Variants in MNX1 observed in about 807,000 individuals in gnomAD.
MNX1 encodes the protein motor neuron and pancreas homeobox 1.
Under a neutral mutation model 17.3 loss-of-function variants are expected in MNX1, and 2 were observed. The ratio of observed to expected loss-of-function variants is 0.12; its 90% CI spans 0.05 to 0.36. MNX1 has a LOEUF of 0.36. MNX1 is among the 10% of genes least tolerant of loss of function. The pLI, the probability that MNX1 is intolerant of heterozygous loss-of-function variation, is 1.00. For missense variants in MNX1, 556 were observed against 564.7 expected, an observed-to-expected ratio of 0.98 and a Z score of 0.16; for synonymous variants, 306 against 283.1, an observed-to-expected ratio of 1.08 and a Z score of -0.81.
rs1805683428 is a variant in MNX1, at chr7:157,010,024, CCCGCCGCCCGTGCCGCCGCCG to C, written c.306_326del (p.Gly103_Gly109del). On this transcript the variant is annotated inframe_deletion, in exon 1 of 3. Coordinates refer to ENST00000252971, the MANE Select transcript of MNX1 (RefSeq NM_005515.4). ...GCGCGTGGTGGTGGGGCCCCCCGTG[CCCGCCGCCCGTGCCGCCGCCG>C]CCGCCGCCCGCGCCCAGGAAGCCCG... 4.7e-5 allele frequency: 47 copies of C among 996,072 alleles called. No individual in the cohort carries two copies. The highest frequency in any genetic ancestry group is 5.8e-5 in the Admixed American group (1 of 17,240). 61.7% of individuals were successfully genotyped at this position (996,072 alleles called of 1,614,324 possible).
chr7:157,009,703 C>T lies in MNX1; in HGVS notation c.648G>A (p.Ala216=), dbSNP rs749294296. The change falls in exon 1 of 3, where the codon GCG becomes GCA. Residue 216 remains alanine (A), a synonymous_variant. Coordinates refer to ENST00000252971, the MANE Select transcript of MNX1 (RefSeq NM_005515.4). The part of the protein sequence containing the change: ...GTFQLDQWLR[A]STAGMILPKM... ...TAGGCAGGATCATGCCCGCGGTGGA[C>T]GCGCGCAGCCACTGGTCCAGCTGGA... 19 of 1,608,436 alleles carry T rather than the reference C, an allele frequency of 1.2e-5. No homozygotes were observed. Among genetic ancestry groups the T allele is most frequent in the South Asian group, 4.4e-5 (4 of 90,874 alleles).
At position 157,006,165 on chromosome 7, in the gene MNX1, G is replaced by C. The variant is rs374119754; in HGVS notation, c.853-292C>G. The C allele has an allele frequency of 3.4e-6, 2 of 585,144 alleles. No homozygotes were observed. The highest frequency in any genetic ancestry group is 6.3e-5 in the Admixed American group (2 of 31,874). The allele number at this position is 585,144 out of a possible 1,614,324, so 36.2% of individuals were successfully genotyped here. ...CCCGCGCCCTCCGTCTGCGGAGGAA[G>C]GGTCAGGGCAGCTGGCTACGTCGCG... On this transcript the variant is annotated intron_variant, in intron 2 of 2. Transcript: ENST00000252971. The surrounding 1 kb of genome is among the most constrained non-coding windows in gnomAD (Gnocchi z 6.3).
chr7:157,008,710 CTTTG>C (rs1316071200), intron 1 of MNX1: 8 of 481,990 alleles, frequency 1.7e-5, no homozygotes, highest in East Asian at 9.8e-5. Context: ...AATGGGGTCT[CTTTG>C]TTTGGGTGTT....
rs775967115 is a variant in MNX1 at position 157,006,657 on chromosome 7, G to A, written c.692-18C>T. On this transcript the variant is annotated intron_variant, in intron 1 of 2. Transcript: ENST00000252971. This position sits in a 1 kb window ranked among gnomAD's most constrained non-coding sequence, Gnocchi z 6.3. ...CGCCTGGGCTGGGGACCAAAGGGCA[G>A]TGAGGCCCACAGCCGGCTCCGGTCC... The A allele has an allele frequency of 8.9e-6, 14 of 1,569,166 alleles. No homozygotes were observed. In the Admixed American group the frequency reaches 2.6e-4, roughly 29 times the overall value.
In MNX1 at chr7:157,006,685, G is replaced by A; in HGVS notation, c.692-46C>T. ...AGGCCCACAGCCGGCTCCGGTCCTCGCCCCAGCCCCTCCCGTTGCTGCTTG... is the reference window on the plus strand; with the variant it reads ...AGGCCCACAGCCGGCTCCGGTCCTCACCCCAGCCCCTCCCGTTGCTGCTTG... On this transcript the variant is annotated intron_variant, in intron 1 of 2. Transcript: ENST00000252971. The surrounding 1 kb of genome is among the most constrained non-coding windows in gnomAD (Gnocchi z 6.3). 1 of 1,524,526 alleles carries A rather than the reference G, an allele frequency of 6.6e-7. No individual in the cohort carries two copies. Among genetic ancestry groups the A allele is most frequent in the Non-Finnish European group, 8.8e-7 (1 of 1,135,378 alleles). 94.4% of individuals were successfully genotyped at this position (1,524,526 alleles called of 1,614,324 possible).
intron 1 of MNX1, chr7:157,008,147 T>C (rs1805638208): frequency 6.6e-6 from 1 of 152,212 alleles, no homozygotes; most frequent in Non-Finnish European, 1.5e-5. Context: ...CTCACTTTAA[T>C]AAATTTTCTG....
rs978505201 is a variant in MNX1, at chr7:157,010,162, C to T, written c.189G>A (p.Ser63=). ...GTSGSCSPAS[S]EPPAAPADRL... ...GGTCGGCGGGCGCAGCCGGCGGCTCCGAGGACGCGGGGCTGCAGCTGCCGC... is the reference window on the plus strand; with the variant it reads ...GGTCGGCGGGCGCAGCCGGCGGCTCTGAGGACGCGGGGCTGCAGCTGCCGC... The change falls in exon 1 of 3, where the codon TCG becomes TCA. Residue 63 remains serine, a synonymous_variant. Coordinates refer to ENST00000252971, the MANE Select transcript of MNX1 (RefSeq NM_005515.4). 2.7e-6 allele frequency: 3 copies of T among 1,129,558 alleles called. No homozygotes were observed. The African/African-American group carries it at 5.0e-5, about 19-fold the overall frequency. The allele number at this position is 1,129,558 out of a possible 1,614,324, so 70.0% of individuals were successfully genotyped here.
rs1427634298 is a variant in MNX1 at position 157,005,630 on chromosome 7, C to G, written c.1096G>C (p.Asp366His). 1.2e-6 allele frequency: 2 copies of G among 1,608,538 alleles called. No individual in the cohort carries two copies. The highest frequency in any genetic ancestry group is 2.7e-5 in the African/African-American group (2 of 74,698). ...GCGCCGTTGCTGTAGGGGAAATGGT[C>G]CTCGTCGTCCTCGTCCTCGTCCTCC... ...PEEDEDEDDEDHFPYSNGASV... is the reference protein window; with the variant it reads ...PEEDEDEDDEHHFPYSNGASV... The change falls in exon 3 of 3, where the codon GAC (aspartate) becomes CAC (histidine). Residue 366 changes from aspartate to histidine, a missense_variant. By Grantham distance (81) the Asp-to-His change is moderately conservative. Coordinates refer to ENST00000252971, the MANE Select transcript of MNX1 (RefSeq NM_005515.4).
chr7:157,006,562 C>G lies in MNX1; in HGVS notation c.769G>C (p.Glu257Gln). ...TACTTGTTGAGCTTGAACTGGTGCT[C>G]CAGCTCCAGCAGCTGCTGGCTGGTG... ...AFTSQQLLELEHQFKLNKYLS... is the reference protein window; with the variant it reads ...AFTSQQLLELQHQFKLNKYLS... The change falls in exon 2 of 3, where the codon GAG (glutamate) becomes CAG (glutamine). Residue 257 changes from glutamate (E) to glutamine (Q), a missense_variant. By Grantham distance (29) the Glu-to-Gln change is conservative. Around this residue, in one of 7 missense-constraint regions of MNX1, gnomAD observed 210 missense variants for 211.3 expected, o/e 0.99. Coordinates refer to ENST00000252971, the MANE Select transcript of MNX1 (RefSeq NM_005515.4). The surrounding 1 kb of genome is among the most constrained non-coding windows in gnomAD (Gnocchi z 6.3). The G allele has an allele frequency of 6.2e-7, 1 of 1,608,902 alleles. No homozygotes were observed. Among genetic ancestry groups the G allele is most frequent in the Non-Finnish European group, 8.5e-7 (1 of 1,178,536 alleles).
intron 1 of MNX1, chr7:157,009,052 T>C (rs1447422196): frequency 2.6e-6 from 4 of 1,536,906 alleles, no homozygotes; most frequent in Admixed American, 2.0e-5. Flanking sequence ...AGTCCCCCCA[T>C]AGCTGGTTCA....
rs1805568726 is a variant in MNX1, at chr7:157,005,297, T to G, written c.*223A>C. The G allele has an allele frequency of 7.1e-6, 2 of 280,000 alleles. No homozygotes were observed. The highest frequency in any genetic ancestry group is 4.4e-5 in the African/African-American group (2 of 45,802). 17.3% of individuals were successfully genotyped at this position (280,000 alleles called of 1,614,324 possible). On this transcript the variant is annotated 3_prime_UTR_variant, in exon 3 of 3. Coordinates refer to ENST00000252971, the MANE Select transcript of MNX1 (RefSeq NM_005515.4). ...TCAGCCCCCTGGGTCTCCCTCTCGCTGTTTCTTGAAGAGCAGGTGAGGCGC... is the reference window on the plus strand; with the variant it reads ...TCAGCCCCCTGGGTCTCCCTCTCGCGGTTTCTTGAAGAGCAGGTGAGGCGC...
rs770926737 is a variant in MNX1 at position 157,006,653 on chromosome 7, G to A, written c.692-14C>T. 1.3e-6 allele frequency: 2 copies of A among 1,572,506 alleles called. No homozygotes were observed. The stretch of plus-strand genomic sequence containing the variant: ...ACTGCGCCTGGGCTGGGGACCAAAG[G>A]GCAGTGAGGCCCACAGCCGGCTCCG... On this transcript the variant is annotated splice_polypyrimidine_tract_variant and intron_variant, in intron 1 of 2. Coordinates refer to ENST00000252971, the MANE Select transcript of MNX1 (RefSeq NM_005515.4). The surrounding 1 kb of genome is among the most constrained non-coding windows in gnomAD (Gnocchi z 6.3).
intron 1 of MNX1, chr7:157,008,776 T>C: frequency 1.7e-6 from 1 of 588,576 alleles, no homozygotes; most frequent in Non-Finnish European, 3.0e-6. Context: ...GACTCATAAG[T>C]AGCTGACCCC....
chr7:157,006,337 A>G lies in MNX1; in HGVS notation c.852+142T>C. The G allele has an allele frequency of 1.1e-6, 1 of 888,292 alleles. No homozygotes were observed. Among genetic ancestry groups the G allele is most frequent in the Non-Finnish European group, 1.7e-6 (1 of 596,378 alleles). The allele number at this position is 888,292 out of a possible 1,614,324, so 55.0% of individuals were successfully genotyped here. Reference sequence around the variant, plus strand: ...AAGCTACTGAATCGGCGCTCTGGGCACCTTAGATGAACCCGTGCGCCCGCC... The same window carrying G: ...AAGCTACTGAATCGGCGCTCTGGGCGCCTTAGATGAACCCGTGCGCCCGCC... On this transcript the variant is annotated intron_variant, in intron 2 of 2. Transcript: ENST00000252971. The surrounding 1 kb of genome is among the most constrained non-coding windows in gnomAD (Gnocchi z 6.3).
chr7:157,005,766 C>A lies in MNX1; in HGVS notation c.960G>T (p.Ala320=). 6.2e-7 allele frequency: 1 copy of A among 1,609,854 alleles called. No homozygotes were observed. The highest frequency in any genetic ancestry group is 8.5e-7 in the Non-Finnish European group (1 of 1,179,548). The change falls in exon 3 of 3, where the codon GCG becomes GCT. Residue 320 remains alanine (A), a synonymous_variant. Coordinates refer to ENST00000252971, the MANE Select transcript of MNX1 (RefSeq NM_005515.4). ...AEKQKGGGGG[A]GKGGAEEPGA... Reference sequence around the variant, plus strand: ...CCGGCTCCTCCGCGCCGCCCTTCCCCGCGCCCCCGCCGCCGCCCTTCTGTT... The same window carrying A: ...CCGGCTCCTCCGCGCCGCCCTTCCCAGCGCCCCCGCCGCCGCCCTTCTGTT...
intron 1 of MNX1, chr7:157,008,855 G>T (rs1021806362): frequency 8.5e-5 from 68 of 799,682 alleles, no homozygotes; most frequent in Non-Finnish European, 1.3e-4. Context: ...CGGAGAGTCC[G>T]CGTGTGCCAG....
In MNX1 at chr7:157,010,415, G is replaced by A; in HGVS notation, c.-65C>T. 1.5e-6 allele frequency: 2 copies of A among 1,362,026 alleles called. No homozygotes were observed. The highest frequency in any genetic ancestry group is 2.0e-6 in the Non-Finnish European group (2 of 985,588). The allele number at this position is 1,362,026 out of a possible 1,614,324, so 84.4% of individuals were successfully genotyped here. The stretch of plus-strand genomic sequence containing the variant: ...CGACGCGGCCGTGTGCGGGCTCGCG[G>A]AGTCAGTGCGTGCGGTGCAAGCCCG... On this transcript the variant is annotated 5_prime_UTR_variant, in exon 1 of 3. Coordinates refer to ENST00000252971, the MANE Select transcript of MNX1 (RefSeq NM_005515.4).
At chr7:157,009,091 C>T (rs1002551728) in intron 1 of MNX1, 19 of 1,536,396 alleles carry the variant, frequency 1.2e-5, no homozygotes, top group Non-Finnish European at 1.6e-5. Flanking sequence ...GGCCATCGCA[C>T]CCCGGATCCA....
chr7:157,007,644 G>A (rs1175896516), intron 1 of MNX1: 1 of 152,224 alleles, frequency 6.6e-6, no homozygotes, highest in Non-Finnish European at 1.5e-5. Flanking sequence ...AATTTCGCAC[G>A]GTTACATCAC....
Sources: allele counts gnomAD v4.1 joint callset, GRCh38; gene constraint gnomAD v4.1.1; regional missense constraint gnomAD v4.1.1; non-coding constraint Gnocchi (gnomAD v3.1); transcripts MANE v1.5; gene names NCBI Gene and HGNC (gene_info 2026-07-23, HGNC 2026-07-21).